Variants in CYP39A1 observed in about 807,000 individuals in gnomAD.
CYP39A1 encodes 24-hydroxycholesterol 7-alpha-hydroxylase.
Under a neutral mutation model 58.1 loss-of-function variants are expected in CYP39A1, and 49 were observed. The ratio of observed to expected loss-of-function variants is 0.84; its 90% CI spans 0.67 to 1.07. CYP39A1 has a LOEUF of 1.07. Ranked by LOEUF, CYP39A1 falls within the 50% of genes least tolerant of loss-of-function variation. CYP39A1 has a pLI of 0.00. For missense variants in CYP39A1, 531 were observed against 539.4 expected (o/e 0.98, Z 0.16); for synonymous variants, 209 against 187.6 (o/e 1.11, Z -0.93).
intron 10 of CYP39A1, among the ~76,000 whole-genome samples, chr6:46,566,771 G>T (rs1203957537): frequency 1.3e-5 from 2 of 151,744 alleles, no homozygotes; most frequent in African/African-American, 4.8e-5. Context: ...ATTGAGATAA[G>T]ATTGACCTCA....
At chr6:46,649,440 C>G (rs1270054938) in intron 1 of CYP39A1, among the ~76,000 whole-genome samples, 1 of 152,196 alleles carries the variant, frequency 6.6e-6, no homozygotes, top group Admixed American at 6.5e-5. Flanking sequence ...GGAATCGTTG[C>G]AAGATCATTG....
chr6:46,564,283 A>G (rs1456844529), intron 10 of CYP39A1, among the ~76,000 whole-genome samples: 1 of 151,382 alleles, frequency 6.6e-6, no homozygotes, highest in Non-Finnish European at 1.5e-5. Context: ...TCTCTGCCTC[A>G]GGGGTTCAAG....
chr6:46,602,034 T>C (rs1000553383), intron 7 of CYP39A1, among the ~76,000 whole-genome samples: 2 of 152,174 alleles, frequency 1.3e-5, no homozygotes, highest in African/African-American at 4.8e-5. Flanking sequence ...CCAAATAGGA[T>C]GTGATTACAT....
intron 7 of CYP39A1, among the ~76,000 whole-genome samples, chr6:46,609,575 C>T (rs527709503): frequency 1.3e-5 from 2 of 152,204 alleles, no homozygotes; most frequent in African/African-American, 4.8e-5. Context: ...AGTCAGAGAG[C>T]TCACAGAAAC....
At chr6:46,569,245 G>T (rs925807023) in intron 10 of CYP39A1, among the ~76,000 whole-genome samples, 2 of 152,008 alleles carry the variant, frequency 1.3e-5, no homozygotes, top group East Asian at 1.9e-4. Context: ...CTGCTACTTT[G>T]TTGAGTTATT....
intron 11 of CYP39A1, among the ~76,000 whole-genome samples, chr6:46,552,485 T>G (rs1448538887): frequency 6.6e-6 from 1 of 152,196 alleles, no homozygotes; most frequent in Admixed American, 6.6e-5. Flanking sequence ...CTGTGTCACT[T>G]ACGCACTTAC....
At chr6:46,627,471 T>C (rs1171230718) in intron 6 of CYP39A1, among the ~76,000 whole-genome samples, 1 of 151,820 alleles carries the variant, frequency 6.6e-6, no homozygotes, top group African/African-American at 2.4e-5. Context: ...TAGGCTGGAG[T>C]GCAGTGGCGC....
chr6:46,574,693 T>A (rs1439557343), intron 10 of CYP39A1, among the ~76,000 whole-genome samples: 2 of 152,094 alleles, frequency 1.3e-5, no homozygotes, highest in African/African-American at 4.8e-5. Context: ...TAGATACATA[T>A]CCTGCCCAGG....
chr6:46,586,375 G>A (rs1325624855), intron 10 of CYP39A1: 1 of 984,222 alleles, frequency 1.0e-6, no homozygotes, highest in Non-Finnish European at 1.2e-6. Context: ...ATGAAGAAAT[G>A]TGACATATTT....
chr6:46,596,844 A>G (rs1480765902), intron 7 of CYP39A1, among the ~76,000 whole-genome samples: 5 of 152,160 alleles, frequency 3.3e-5, no homozygotes, highest in Non-Finnish European at 7.4e-5. Flanking sequence ...CAATATTTCA[A>G]GTAAAATGTT....
At chr6:46,589,587 C>G (rs1461228166) in intron 8 of CYP39A1, among the ~76,000 whole-genome samples, 8 of 152,010 alleles carry the variant, frequency 5.3e-5, no homozygotes, top group Admixed American at 4.6e-4. Context: ...TTGGCAATTT[C>G]AGAACTGGGA....
intron 6 of CYP39A1, among the ~76,000 whole-genome samples, chr6:46,626,810 T>C (rs1055090710): frequency 1.2e-4 from 18 of 152,194 alleles, no homozygotes; most frequent in Admixed American, 2.0e-4. Context: ...ATAAAAGTGC[T>C]AAATTACTGA....
intron 5 of CYP39A1, among the ~76,000 whole-genome samples, chr6:46,632,264 T>C (rs1316588524): frequency 6.6e-6 from 1 of 152,222 alleles, no homozygotes; most frequent in African/African-American, 2.4e-5. Context: ...GCAATCATTA[T>C]TCTTGTCTAC....
At chr6:46,619,267 C>T (rs1397536274) in intron 7 of CYP39A1, among the ~76,000 whole-genome samples, 1 of 152,082 alleles carries the variant, frequency 6.6e-6, no homozygotes, top group East Asian at 1.9e-4. Flanking sequence ...GACCAAGATA[C>T]TTATCTCTTA....
chr6:46,624,227 A>C (rs955681518), intron 7 of CYP39A1, among the ~76,000 whole-genome samples: 1 of 152,162 alleles, frequency 6.6e-6, no homozygotes, highest in African/African-American at 2.4e-5. Context: ...GAGTACCCTA[A>C]GTCAGGAAAA....
At chr6:46,603,556 G>A (rs940167893) in intron 7 of CYP39A1, among the ~76,000 whole-genome samples, 1 of 152,020 alleles carries the variant, frequency 6.6e-6, no homozygotes, top group East Asian at 1.9e-4. Flanking sequence ...TTTGAACATG[G>A]AAGTCCCCAA....
intron 9 of CYP39A1, 21 bp downstream of exon 9, chr6:46,588,013 A>G (rs933240504): frequency 7.3e-7 from 1 of 1,361,944 alleles, no homozygotes; most frequent in African/African-American, 1.5e-5. Context: ...AGAATAATAT[A>G]TACTGAAAGA....
chr6:46,622,947 C>T (rs369299994), intron 7 of CYP39A1, among the ~76,000 whole-genome samples: 69 of 152,238 alleles, frequency 4.5e-4, no homozygotes, highest in African/African-American at 1.5e-3. Flanking sequence ...CCTTTCCTTT[C>T]GCAAGTATTC....
intron 7 of CYP39A1, among the ~76,000 whole-genome samples, chr6:46,618,915 T>C (rs9472800): frequency 0.2 from 29,979 of 151,964 alleles, 3,248 homozygotes; most frequent in African/African-American, 0.29. Context: ...AACTACACCC[T>C]TCTATCTGGC....
Sources: gnomAD v4.1 joint callset for allele counts (sites outside exome capture counted in the v4.1 genomes callset) on GRCh38, gnomAD v4.1.1 for gene constraint, MANE v1.5 for transcripts, NCBI Gene and HGNC (gene_info 2026-07-23, HGNC 2026-07-21) for gene names.